Variants in WEE2 observed in about 807,000 individuals in gnomAD.
WEE2 encodes WEE2 oocyte meiosis inhibiting kinase, also known as wee1-like protein kinase 2.
WEE2 carries 50 observed loss-of-function variants against 60.1 expected under a neutral mutation model. The observed-to-expected ratio is 0.83, with a 90% CI of 0.66 to 1.05. The LOEUF (loss-of-function observed/expected upper bound fraction) is 1.05. Ranked by LOEUF, WEE2 falls within the 50% of genes least tolerant of loss-of-function variation. WEE2 has a pLI of 0.00. For missense variants in WEE2, 631 were observed against 684.3 expected (o/e 0.92, Z 0.87); for synonymous variants, 240 against 241.0 (o/e 1.00, Z 0.04).
At position 141,724,016 on chromosome 7, in the gene WEE2, G is replaced by A; in HGVS notation, c.1103G>A (p.Trp368Ter). The change falls in exon 7 of 12, where the codon TGG becomes TAG. Residue 368 changes from tryptophan (W) to a stop codon, truncating the protein, a stop_gained. Transcript: ENST00000397541. LOFTEE classifies it high-confidence loss of function. ...GAAGAAGTTGAAAATGAAGCTGATT[G>A]GTTTCTCTCTGCCAATGTGATGTAT... is the stretch of plus-strand genomic sequence containing the variant. Reference protein sequence around the residue: ...VIEEVENEADWFLSANVMYKI... With the variant: ...VIEEVENEAD The A allele has an allele frequency of 1.2e-6, 2 of 1,613,364 alleles. No individual in the cohort carries two copies. The highest frequency in any genetic ancestry group is 2.2e-5 in the East Asian group (1 of 44,820).
intron 10 of WEE2, 110 bp from the exon 11 acceptor site, chr7:141,729,421 G>A (rs1250272388): frequency 2.0e-5 from 29 of 1,445,680 alleles, no homozygotes; most frequent in African/African-American, 5.4e-5. Flanking sequence ...CAGGCTTTTC[G>A]TTTCTGTAAA....
chr7:141,730,514 A>G lies in WEE2; in HGVS notation c.*194A>G. Reference sequence around the variant, plus strand: ...CCCAGGTTATATGATGCTGTTCCTAAGAGAGAATTCCCAGCTTCTTTGAGG... The same window carrying G: ...CCCAGGTTATATGATGCTGTTCCTAGGAGAGAATTCCCAGCTTCTTTGAGG... On this transcript the variant is annotated 3_prime_UTR_variant, in exon 12 of 12. Transcript: ENST00000397541. The G allele has an allele frequency of 1.9e-6, 1 of 532,960 alleles. No individual in the cohort carries two copies. Among genetic ancestry groups the G allele is most frequent in the Non-Finnish European group, 3.3e-6 (1 of 299,100 alleles). The allele number at this position is 532,960 out of a possible 1,614,324, so 33.0% of individuals were successfully genotyped here.
intron 9 of WEE2, among the ~76,000 whole-genome samples, chr7:141,725,737 C>A (rs1799005527): frequency 6.6e-6 from 1 of 151,756 alleles, no homozygotes; most frequent in African/African-American, 2.4e-5. Context: ...AATCCTGTTA[C>A]AAACATTTTT....
chr7:141,722,054 A>G (rs764352703), intron 5 of WEE2, among the ~76,000 whole-genome samples: 5 of 152,120 alleles, frequency 3.3e-5, no homozygotes, highest in South Asian at 2.1e-4. Flanking sequence ...GGTTTTTGTA[A>G]CTGCCAGTTA....
rs1354523362 is a variant in WEE2, at chr7:141,713,014, T to G, written c.343-1195T>G. On this transcript the variant is annotated intron_variant, in intron 1 of 11. Transcript: ENST00000397541. ...AGGGCTTGTCTGCCTCCTGGATTCT[T>G]CAAGCAGCCCTATGAACTCCAAGAT... Among the ~76,000 whole-genome samples the G allele has an allele frequency of 3.3e-5, 5 of 152,162 alleles. No individual in the cohort carries two copies. In the East Asian group the frequency reaches 7.7e-4, roughly 23 times the overall value.
At chr7:141,725,548 C>A (rs1254381343) in intron 9 of WEE2, among the ~76,000 whole-genome samples, 1 of 151,484 alleles carries the variant, frequency 6.6e-6, no homozygotes. Context: ...TGTCTTGAAC[C>A]CAGGAGACAG....
At chr7:141,724,389 T>C (rs558793804) in intron 8 of WEE2, 114 bp downstream of exon 8, 19 of 919,730 alleles carry the variant, frequency 2.1e-5, no homozygotes, top group Admixed American at 1.8e-4. Context: ...AGTACCGCTC[T>C]TCCCATTCAG....
Position 141,709,077 on chromosome 7 carries a change from A to C in WEE2, c.319A>C (p.Ser107Arg). Reference sequence around the variant, plus strand: ...AGACAGCAGGAGCAAGCTGCTGCCCAGTGACAGCCCCTCTACTCCCAAAGT... The same window carrying C: ...AGACAGCAGGAGCAAGCTGCTGCCCCGTGACAGCCCCTCTACTCCCAAAGT... The part of the protein sequence containing the change: ...QPDSRSKLLP[S>R]DSPSTPKTML... Residue 107 changes from serine (S) to arginine (R), a missense_variant, in exon 1 of 12, where the codon AGT (serine) becomes CGT (arginine). Coordinates refer to ENST00000397541, the MANE Select transcript of WEE2 (RefSeq NM_001105558.1). 1 of 1,613,808 alleles carries C rather than the reference A, an allele frequency of 6.2e-7. No homozygotes were observed. Among genetic ancestry groups the C allele is most frequent in the Admixed American group, 1.7e-5 (1 of 60,012 alleles).
At chr7:141,714,957 G>A (rs946243959) in intron 2 of WEE2, among the ~76,000 whole-genome samples, 2 of 152,182 alleles carry the variant, frequency 1.3e-5, no homozygotes, top group Non-Finnish European at 2.9e-5. Flanking sequence ...AATAAGGATT[G>A]TGCATATTAC....
Position 141,714,395 on chromosome 7 carries a change from AGAG to A in WEE2, c.533_535del (p.Gly178del), listed in dbSNP as rs767083355. The stretch of plus-strand genomic sequence containing the variant: ...TCAATCTGGTGGCAAGAGGAAAATA[AGAG>A]GAGATCTGTAAGTGCTCTATTACTT... On this transcript the variant is annotated inframe_deletion, in exon 2 of 12. Transcript: ENST00000397541. 7.0e-5 allele frequency: 113 copies of A among 1,610,342 alleles called. No homozygotes were observed. Among genetic ancestry groups the A allele is most frequent in the Admixed American group, 1.0e-4 (6 of 59,378 alleles).
In WEE2 at chr7:141,729,541, G is replaced by A; in HGVS notation, c.1546G>A (p.Glu516Lys). ...TCCCTCGCACTTCAGGGAACTGAGA[G>A]AAGCCCAGCAGGCCCAGTCACCCCA... ...KTATLERELREAQQAQSPQGY... is the reference protein window; with the variant it reads ...KTATLERELRKAQQAQSPQGY... Residue 516 changes from glutamate to lysine, a missense_variant, in exon 11 of 12, where the codon GAA becomes AAA. Glu to Lys is a moderately conservative substitution (Grantham distance 56). Transcript: ENST00000397541. The A allele has an allele frequency of 2.5e-6, 4 of 1,614,210 alleles. No individual in the cohort carries two copies. Among genetic ancestry groups the A allele is most frequent in the Non-Finnish European group, 3.4e-6 (4 of 1,180,024 alleles).
intron 10 of WEE2, among the ~76,000 whole-genome samples, chr7:141,729,192 G>C (rs932331597): frequency 6.6e-6 from 1 of 152,198 alleles, no homozygotes; most frequent in Non-Finnish European, 1.5e-5. Flanking sequence ...AAATACAGGT[G>C]ATAGGCCAGA....
At position 141,708,553 on chromosome 7, in the gene WEE2, C is replaced by A; in HGVS notation, c.-206C>A. 1.7e-6 allele frequency: 1 copy of A among 580,296 alleles called. No individual in the cohort carries two copies. The highest frequency in any genetic ancestry group is 3.1e-6 in the Non-Finnish European group (1 of 326,668). The allele number at this position is 580,296 out of a possible 1,614,324, so 35.9% of individuals were successfully genotyped here. A position where few individuals can be genotyped will look rare whatever the true frequency, so the allele number is the denominator to read the frequency against. ...AGCTTTCTTTAATCAGAATGGAAAT[C>A]AGGATAAGCTGAGGTCTTATAGATT... On this transcript the variant is annotated 5_prime_UTR_variant, in exon 1 of 12. Transcript: ENST00000397541.
Position 141,719,107 on chromosome 7 carries a change from C to A in WEE2, c.621C>A (p.Arg207=). The A allele has an allele frequency of 6.2e-7, 1 of 1,613,980 alleles. No individual in the cohort carries two copies. The highest frequency in any genetic ancestry group is 8.5e-7 in the Non-Finnish European group (1 of 1,179,978). ...TACGAGAAACCAACATGGCTTCCCG[C>A]TATGAAAAAGAATTCTTGGAGGTTG... ...CVLRETNMAS[R]YEKEFLEVEK... Residue 207 remains arginine, a synonymous_variant, in exon 4 of 12, where the codon CGC becomes CGA. Transcript: ENST00000397541.
At chr7:141,710,688 A>G (rs1433066436) in intron 1 of WEE2, among the ~76,000 whole-genome samples, 3 of 152,148 alleles carry the variant, frequency 2.0e-5, no homozygotes, top group South Asian at 4.1e-4. Flanking sequence ...CAAAGAGGGG[A>G]ATAGGAATTC....
intron 10 of WEE2, chr7:141,728,059 G>A (rs371828410): frequency 1.3e-5 from 2 of 152,232 alleles, no homozygotes; most frequent in Non-Finnish European, 2.9e-5. Context: ...ATTGCACTCC[G>A]GATGTGCTGA....
At chr7:141,720,141 C>CTTTTTTTTTTTTTTTTTTTTTTTT (rs571238574) in intron 4 of WEE2, among the ~76,000 whole-genome samples, 1 of 64,178 alleles carries the variant, frequency 1.6e-5, no homozygotes, top group Non-Finnish European at 2.7e-5. Context: ...TAGAATTCCT[C>CTTTTTTTTTTTTTTTTTTTTTTTT]TTTTTTTTTT....
chr7:141,715,660 C>A (rs954022103), intron 2 of WEE2, among the ~76,000 whole-genome samples: 1 of 152,104 alleles, frequency 6.6e-6, no homozygotes, highest in African/African-American at 2.4e-5. Flanking sequence ...GCCCTACTTG[C>A]AGTCTACCTG....
chr7:141,720,865 T>C lies in WEE2; in HGVS notation c.759-70T>C, dbSNP rs113159868. 13 of 1,564,356 alleles carry C rather than the reference T, an allele frequency of 8.3e-6. No individual in the cohort carries two copies. The African/African-American group carries it at 1.1e-4, about 13-fold the overall frequency. ...GCCATTGCTAGTAAAGCCTCATATT[T>C]TTAAGAAACATTTTTGTGTGCATTA... On this transcript the variant is annotated intron_variant, in intron 4 of 11. Coordinates refer to ENST00000397541, the MANE Select transcript of WEE2 (RefSeq NM_001105558.1).
Sources: gnomAD v4.1 joint callset for allele counts (sites outside exome capture counted in the v4.1 genomes callset) on GRCh38, gnomAD v4.1.1 for gene constraint, MANE v1.5 for transcripts, NCBI Gene and HGNC (gene_info 2026-07-23, HGNC 2026-07-21) for gene names.